LRMDA: variants seen among roughly 807,000 people sequenced by gnomAD.
The protein encoded by LRMDA is leucine rich melanocyte differentiation associated.
A neutral mutation model predicts 29.8 loss-of-function variants in LRMDA; 18 were observed. The observed-to-expected ratio is 0.60, with a 90% CI of 0.42 to 0.90. The LOEUF is 0.90. Ranked by LOEUF, LRMDA falls within the 40% of genes least tolerant of loss-of-function variation. The pLI is 0.00. For missense variants in LRMDA, 273 were observed against 273.9 expected, an observed-to-expected ratio of 1.00 and a Z score of 0.02; for synonymous variants, 125 against 109.4, an observed-to-expected ratio of 1.14 and a Z score of -0.89.
At chr10:76,118,498 G>A (rs1043126893) in intron 5 of LRMDA, among the ~76,000 whole-genome samples, 1 of 152,170 alleles carries the variant, frequency 6.6e-6, no homozygotes, top group African/African-American at 2.4e-5. Flanking sequence ...TTACTTAAAG[G>A]CGAAGATGAG....
chr10:75,832,637 A>G (rs1844365151), intron 2 of LRMDA, among the ~76,000 whole-genome samples: 1 of 152,168 alleles, frequency 6.6e-6, no homozygotes, highest in Non-Finnish European at 1.5e-5. Context: ...CTGTCTTCAC[A>G]CTGCTGATAA....
intron 2 of LRMDA, among the ~76,000 whole-genome samples, chr10:75,440,041 A>C (rs1589144934): frequency 6.6e-6 from 1 of 151,546 alleles, no homozygotes; most frequent in Non-Finnish European, 1.5e-5. Flanking sequence ...GCATCAGTGC[A>C]TGTGGATCAT....
At chr10:76,194,003 C>A (rs1214849803) in intron 5 of LRMDA, among the ~76,000 whole-genome samples, 4 of 152,102 alleles carry the variant, frequency 2.6e-5, no homozygotes, top group Admixed American at 6.5e-5. Flanking sequence ...TTTATTCAGG[C>A]AGGGAGTAGA....
At chr10:76,154,706 G>T (rs902985599) in intron 5 of LRMDA, among the ~76,000 whole-genome samples, 1 of 152,130 alleles carries the variant, frequency 6.6e-6, no homozygotes, top group African/African-American at 2.4e-5. Flanking sequence ...CTGATATATT[G>T]GATTATTTGG....
intron 2 of LRMDA, among the ~76,000 whole-genome samples, chr10:75,876,561 A>G (rs1845201901): frequency 6.6e-6 from 1 of 152,164 alleles, no homozygotes; most frequent in Non-Finnish European, 1.5e-5. Flanking sequence ...TCTGCATAAG[A>G]GGTTACGGAG....
intron 5 of LRMDA, among the ~76,000 whole-genome samples, chr10:76,110,855 A>G (rs1190583469): frequency 6.6e-6 from 1 of 152,084 alleles, no homozygotes; most frequent in Non-Finnish European, 1.5e-5. Context: ...GGACTAATAC[A>G]TAGGGTAAAG....
intron 2 of LRMDA, among the ~76,000 whole-genome samples, chr10:75,589,777 T>TATATAG (rs1190701077): frequency 7.4e-6 from 1 of 135,488 alleles, no homozygotes; most frequent in South Asian, 2.3e-4. Flanking sequence ...TATATATATA[T>TATATAG]AGAGAGAGAG....
chr10:76,468,587 G>A (rs1322642595), intron 6 of LRMDA, among the ~76,000 whole-genome samples: 1 of 152,116 alleles, frequency 6.6e-6, no homozygotes, highest in African/African-American at 2.4e-5. Flanking sequence ...TTTCACATGA[G>A]GGATGATTCA....
At chr10:75,866,133 C>T (rs182432786) in intron 2 of LRMDA, among the ~76,000 whole-genome samples, 25 of 152,298 alleles carry the variant, frequency 1.6e-4, no homozygotes, top group Non-Finnish European at 3.4e-4. Flanking sequence ...GGCTACTCCC[C>T]TTATTGGGCA....
intron 6 of LRMDA, among the ~76,000 whole-genome samples, chr10:76,391,657 C>T (rs1316242630): frequency 2.0e-5 from 3 of 152,158 alleles, no homozygotes; most frequent in Admixed American, 2.0e-4. Flanking sequence ...CCTTGGTGAC[C>T]TTATTCAGCA....
chr10:75,633,568 A>G (rs1048557464), intron 2 of LRMDA, among the ~76,000 whole-genome samples: 1 of 152,170 alleles, frequency 6.6e-6, no homozygotes, highest in Non-Finnish European at 1.5e-5. Flanking sequence ...CATCTTTTTA[A>G]TTTAATGTCC....
chr10:76,384,863 C>T (rs1841641082), intron 6 of LRMDA, among the ~76,000 whole-genome samples: 1 of 152,166 alleles, frequency 6.6e-6, no homozygotes, highest in Admixed American at 6.5e-5. Context: ...GCCAATATCA[C>T]AGGTAGTATA....
At chr10:76,480,886 A>C (rs1842727057) in intron 6 of LRMDA, among the ~76,000 whole-genome samples, 1 of 151,970 alleles carries the variant, frequency 6.6e-6, no homozygotes. Context: ...CCTTAAAGGT[A>C]ATCATATGTA....
At chr10:75,700,915 CT>C (rs1157520870) in intron 2 of LRMDA, among the ~76,000 whole-genome samples, 4 of 152,192 alleles carry the variant, frequency 2.6e-5, no homozygotes, top group Non-Finnish European at 5.9e-5. Context: ...GATCATTCCA[CT>C]TTGCAGTCAT....
chr10:75,581,823 T>C (rs1320438343), intron 2 of LRMDA, among the ~76,000 whole-genome samples: 2 of 152,068 alleles, frequency 1.3e-5, no homozygotes, highest in East Asian at 3.9e-4. Context: ...TTAGGAGAAA[T>C]ACCTAATGTA....
intron 5 of LRMDA, among the ~76,000 whole-genome samples, chr10:76,191,170 A>C (rs1420894889): frequency 6.6e-6 from 1 of 152,122 alleles, no homozygotes; most frequent in African/African-American, 2.4e-5. Context: ...TGATTGATTG[A>C]CTGAAATTAA....
At chr10:75,962,728 C>T (rs137958283) in intron 2 of LRMDA, among the ~76,000 whole-genome samples, 103 of 152,322 alleles carry the variant, frequency 6.8e-4, no homozygotes, top group African/African-American at 2.4e-3. Flanking sequence ...CAGTGTGCAA[C>T]CTGTACCTCC....
intron 5 of LRMDA, among the ~76,000 whole-genome samples, chr10:76,159,017 A>G (rs1042300270): frequency 6.6e-6 from 1 of 152,202 alleles, no homozygotes; most frequent in East Asian, 1.9e-4. Context: ...AAAGAAAATC[A>G]TATGGTAAGT....
intron 5 of LRMDA, chr10:76,241,880 G>A (rs1852283723): frequency 6.6e-6 from 1 of 152,218 alleles, no homozygotes; most frequent in South Asian, 2.1e-4. Flanking sequence ...TCTGTAAAGT[G>A]AGAATAAGAG....
Sources: gnomAD v4.1 joint callset for allele counts (sites outside exome capture counted in the v4.1 genomes callset) on GRCh38, gnomAD v4.1.1 for gene constraint, MANE v1.5 for transcripts, NCBI Gene and HGNC (gene_info 2026-07-23, HGNC 2026-07-21) for gene names.